TMTC1: variants seen among roughly 807,000 people sequenced by gnomAD.
TMTC1 encodes the protein transmembrane O-mannosyltransferase targeting cadherins 1.
In TMTC1, 73 loss-of-function variants were observed where a neutral mutation model predicts 104.8. The ratio of observed to expected loss-of-function variants is 0.70; its 90% CI spans 0.58 to 0.85. TMTC1 has a LOEUF of 0.85. Among genes scored for constraint, TMTC1 ranks in the 40% least tolerant of loss-of-function variants. TMTC1 has a pLI of 0.00. For synonymous variants in TMTC1, 434 were observed against 428.7 expected, an observed-to-expected ratio of 1.01 and a Z score of -0.15; for missense variants, 1,035 against 1,096.1, an observed-to-expected ratio of 0.94 and a Z score of 0.79.
At chr12:29,779,117 G>A (rs1439762783) in intron 1 of TMTC1, among the ~76,000 whole-genome samples, 2 of 152,202 alleles carry the variant, frequency 1.3e-5, no homozygotes, top group African/African-American at 4.8e-5. Flanking sequence ...TGAAAGACGA[G>A]ATCTGGAGAG....
rs763106620 is a variant in TMTC1 at position 29,503,023 on chromosome 12, A to G, written c.*3823T>C. 1.5e-4 allele frequency: 23 copies of G among 152,232 alleles called. No individual in the cohort carries two copies. The highest frequency in any genetic ancestry group is 1.5e-3 in the Admixed American group (23 of 15,290). 9.4% of individuals were successfully genotyped at this position (152,232 alleles called of 1,614,324 possible). Reference sequence around the variant, plus strand: ...TTTGCTCTGTTTCGCCTCAGAGTACAGTTATTGTGGGTCAGTTTTGATAGG... The same window carrying G: ...TTTGCTCTGTTTCGCCTCAGAGTACGGTTATTGTGGGTCAGTTTTGATAGG... On this transcript the variant is annotated 3_prime_UTR_variant, in exon 18 of 18. Coordinates refer to ENST00000539277, the MANE Select transcript of TMTC1 (RefSeq NM_001193451.2).
chr12:29,669,232 G>T (rs1940408633), intron 5 of TMTC1, among the ~76,000 whole-genome samples: 1 of 152,230 alleles, frequency 6.6e-6, no homozygotes, highest in South Asian at 2.1e-4. Context: ...GGGAGAAAGT[G>T]AAAGAAGTCC....
At chr12:29,593,307 T>A (rs1946329308) in intron 7 of TMTC1, among the ~76,000 whole-genome samples, 1 of 152,158 alleles carries the variant, frequency 6.6e-6, no homozygotes, top group African/African-American at 2.4e-5. Context: ...AAAGGTGAAG[T>A]TAAAGGTACC....
At chr12:29,515,927 A>G (rs1349729400) in intron 15 of TMTC1, among the ~76,000 whole-genome samples, 3 of 151,506 alleles carry the variant, frequency 2.0e-5, no homozygotes, top group Non-Finnish European at 4.4e-5. Context: ...TTTCCTTCTT[A>G]TATATTGTTT....
At chr12:29,573,949 G>T (rs907357246) in intron 8 of TMTC1, among the ~76,000 whole-genome samples, 2 of 152,088 alleles carry the variant, frequency 1.3e-5, no homozygotes, top group Non-Finnish European at 2.9e-5. Flanking sequence ...GAGACCTCCT[G>T]GGGGACTACT....
At chr12:29,727,366 TA>T (rs1942422689) in intron 5 of TMTC1, among the ~76,000 whole-genome samples, 1 of 117,924 alleles carries the variant, frequency 8.5e-6, no homozygotes, top group African/African-American at 3.0e-5. Flanking sequence ...TTTATTTATT[TA>T]TTTTTATTTT....
At chr12:29,570,881 A>AACCCCCC (rs1945651903) in intron 9 of TMTC1, among the ~76,000 whole-genome samples, 2 of 31,310 alleles carry the variant, frequency 6.4e-5, no homozygotes, top group Non-Finnish European at 1.6e-4. Context: ...AAACAGAAAC[A>AACCCCCC]CCCCCCCCCC....
chr12:29,728,124 C>T (rs1942448457), intron 5 of TMTC1, among the ~76,000 whole-genome samples: 1 of 152,186 alleles, frequency 6.6e-6, no homozygotes, highest in South Asian at 2.1e-4. Context: ...AAATAAATGA[C>T]ATAATGTAGT....
chr12:29,559,179 T>C (rs1945318177), intron 9 of TMTC1, among the ~76,000 whole-genome samples: 1 of 152,220 alleles, frequency 6.6e-6, no homozygotes, highest in Non-Finnish European at 1.5e-5. Flanking sequence ...CGTTCTCTTT[T>C]TCTTATTTAT....
intron 5 of TMTC1, among the ~76,000 whole-genome samples, chr12:29,642,923 T>C (rs1469758880): frequency 1.4e-5 from 2 of 147,502 alleles, no homozygotes; most frequent in African/African-American, 5.0e-5. Flanking sequence ...AGACTCCATC[T>C]CAAAAAAAAA....
chr12:29,757,938 T>A (rs891139298), intron 3 of TMTC1, among the ~76,000 whole-genome samples: 1 of 152,086 alleles, frequency 6.6e-6, no homozygotes, highest in African/African-American at 2.4e-5. Context: ...CTAGGTTCCT[T>A]CCACGACACA....
intron 5 of TMTC1, among the ~76,000 whole-genome samples, chr12:29,652,770 T>C (rs988915368): frequency 5.9e-5 from 9 of 152,216 alleles, no homozygotes; most frequent in Admixed American, 4.6e-4. Context: ...TGAGATGGAA[T>C]AAATATCTTC....
chr12:29,633,422 G>T (rs1281259475), intron 5 of TMTC1, 86 bp from the exon 6 acceptor site: 2 of 1,113,760 alleles, frequency 1.8e-6, no homozygotes, highest in Non-Finnish European at 2.5e-6. Flanking sequence ...TTATTAAATA[G>T]CATTTCTACC....
At chr12:29,510,872 T>C (rs925651611) in intron 17 of TMTC1, among the ~76,000 whole-genome samples, 1 of 152,314 alleles carries the variant, frequency 6.6e-6, no homozygotes, top group Non-Finnish European at 1.5e-5. Context: ...TACAAACTCC[T>C]TGAAGGCTGC....
At chr12:29,553,790 C>T (rs1345878534) in intron 10 of TMTC1, among the ~76,000 whole-genome samples, 1 of 152,098 alleles carries the variant, frequency 6.6e-6, no homozygotes, top group Non-Finnish European at 1.5e-5. Flanking sequence ...AAGATGTTAG[C>T]AGTGATAAGA....
intron 5 of TMTC1, among the ~76,000 whole-genome samples, chr12:29,720,055 A>C (rs1333341825): frequency 6.6e-6 from 1 of 152,184 alleles, no homozygotes. Context: ...AGTAACTTAA[A>C]AATGGATCTG....
rs1944435223 is a variant in TMTC1, at chr12:29,529,344, C to T, written c.1785+6865G>A. On this transcript the variant is annotated intron_variant, in intron 11 of 17. Coordinates refer to ENST00000539277, the MANE Select transcript of TMTC1 (RefSeq NM_001193451.2). ...TGTGGTATTCCAAAGCAGTAAAGGGCCAATAGAAAAAAAAATGTTTCCAGT... is the reference window on the plus strand; with the variant it reads ...TGTGGTATTCCAAAGCAGTAAAGGGTCAATAGAAAAAAAAATGTTTCCAGT... Among the ~76,000 whole-genome samples the T allele has an allele frequency of 2.0e-5, 3 of 151,900 alleles. No individual in the cohort carries two copies. The South Asian group carries it at 6.2e-4, about 32-fold the overall frequency.
intron 2 of TMTC1, among the ~76,000 whole-genome samples, chr12:29,763,823 A>G (rs1344401850): frequency 6.6e-6 from 1 of 152,230 alleles, no homozygotes; most frequent in African/African-American, 2.4e-5. Flanking sequence ...TTCCAGGTGG[A>G]GGATACAAGA....
intron 5 of TMTC1, among the ~76,000 whole-genome samples, chr12:29,737,131 G>A (rs146571746): frequency 6.6e-6 from 1 of 152,346 alleles, no homozygotes; most frequent in African/African-American, 2.4e-5. Context: ...TCTGAAAAGT[G>A]CTGAGCCGGG....
Sources: allele counts gnomAD v4.1 joint callset (sites outside exome capture counted in the v4.1 genomes callset), GRCh38; gene constraint gnomAD v4.1.1; transcripts MANE v1.5; gene names NCBI Gene and HGNC (gene_info 2026-07-23, HGNC 2026-07-21).